AGPAT3: variants seen among roughly 807,000 people sequenced by gnomAD.
AGPAT3 encodes 1-acyl-sn-glycerol-3-phosphate acyltransferase gamma.
Under a neutral mutation model 47.3 loss-of-function variants are expected in AGPAT3, and 5 were observed. That is an observed-to-expected ratio of 0.11 (90% CI 0.06 to 0.22). The LOEUF (loss-of-function observed/expected upper bound fraction) is 0.22, where lower values mean the gene tolerates loss of function less well. Ranked by LOEUF, AGPAT3 falls within the 10% of genes least tolerant of loss-of-function variation. AGPAT3 has a pLI of 1.00. For missense variants in AGPAT3, 315 were observed against 493.0 expected (o/e 0.64, Z 3.42); for synonymous variants, 212 against 208.3 (o/e 1.02, Z -0.15).
At position 43,933,298 on chromosome 21, in the gene AGPAT3, C is replaced by T. The variant is rs961908476; in HGVS notation, c.-48-26336C>T. Among the ~76,000 whole-genome samples, 7 of 152,104 alleles carry T rather than the reference C, an allele frequency of 4.6e-5. No homozygotes were observed. Among genetic ancestry groups the T allele is most frequent in the East Asian group, 3.8e-4 (2 of 5,200 alleles). ...TACCCTGTGGATGCTGGGCCTGCAT[C>T]GGGCATGTGGTCTGCAGGGTTTTCT... On this transcript the variant is annotated intron_variant, in intron 2 of 9. Coordinates refer to ENST00000291572, the MANE Select transcript of AGPAT3 (RefSeq NM_020132.5). This position sits in a 1 kb window ranked among gnomAD's most constrained non-coding sequence, Gnocchi z 6.0.
chr21:43,980,684 G>A (rs957933327), intron 8 of AGPAT3, among the ~76,000 whole-genome samples: 63 of 152,344 alleles, frequency 4.1e-4, no homozygotes, highest in Non-Finnish European at 6.8e-4. Flanking sequence ...GCGGGTGGCC[G>A]GGGCAGTGCT....
At chr21:43,947,789 G>A (rs1038880678) in intron 2 of AGPAT3, among the ~76,000 whole-genome samples, 1 of 151,210 alleles carries the variant, frequency 6.6e-6, no homozygotes, top group Admixed American at 6.6e-5. Context: ...GATTATAGGC[G>A]CCTGCCACCA....
At position 43,985,127 on chromosome 21, in the gene AGPAT3, G is replaced by A. The variant is rs909480179; in HGVS notation, c.*2735G>A. 8 of 456,172 alleles carry A rather than the reference G, an allele frequency of 1.8e-5. No homozygotes were observed. Among genetic ancestry groups the A allele is most frequent in the African/African-American group, 1.2e-4 (6 of 50,082 alleles). The allele number at this position is 456,172 out of a possible 1,614,324, so 28.3% of individuals were successfully genotyped here. On this transcript the variant is annotated 3_prime_UTR_variant, in exon 10 of 10. Transcript: ENST00000291572. ...TCCCAGCCTGGGCCGTGGTCTCCTG[G>A]GGACGCCGCTGGCCTCCCAGCTTAG...
chr21:43,961,631 G>C (rs879404500), intron 3 of AGPAT3, among the ~76,000 whole-genome samples: 2 of 148,444 alleles, frequency 1.3e-5, no homozygotes, highest in East Asian at 3.9e-4. Context: ...TATGGGAAAC[G>C]GTGAGCGCGT....
chr21:43,895,288 T>A (rs998670625), intron 1 of AGPAT3, among the ~76,000 whole-genome samples: 27 of 151,874 alleles, frequency 1.8e-4, no homozygotes, highest in Non-Finnish European at 2.8e-4. Context: ...TGTATTTTTT[T>A]ATTAGAGACA....
intron 1 of AGPAT3, among the ~76,000 whole-genome samples, chr21:43,896,943 GTTTTTTTTTTT>G (rs61657564): frequency 9.5e-5 from 4 of 42,324 alleles, no homozygotes; most frequent in South Asian, 8.2e-4. Context: ...TTGACAGTCC[GTTTTTTTTTTT>G]TTTTTTTTTT....
At position 43,981,862 on chromosome 21, in the gene AGPAT3, G is replaced by A. The variant is rs899613768; in HGVS notation, c.1043-442G>A. Among the ~76,000 whole-genome samples, 2 of 152,182 alleles carry A rather than the reference G, an allele frequency of 1.3e-5. No homozygotes were observed. The highest frequency in any genetic ancestry group is 2.9e-5 in the Non-Finnish European group (2 of 68,024). On this transcript the variant is annotated intron_variant, in intron 9 of 9. Transcript: ENST00000291572. This position sits in a 1 kb window ranked among gnomAD's most constrained non-coding sequence, Gnocchi z 5.3. Reference sequence around the variant, plus strand: ...GGAGGGGTCCTGAGAGGCAGTGACTGCCACCAGCCTCTCCCATTGGACTAC... The same window carrying A: ...GGAGGGGTCCTGAGAGGCAGTGACTACCACCAGCCTCTCCCATTGGACTAC...
chr21:43,885,434 G>T (rs1469140613), intron 1 of AGPAT3, among the ~76,000 whole-genome samples: 6 of 139,572 alleles, frequency 4.3e-5, no homozygotes, highest in Admixed American at 7.5e-5. Context: ...TGTCACCCAT[G>T]CTAGAGTGCA....
At position 43,934,561 on chromosome 21, in the gene AGPAT3, G is replaced by T. The variant is rs2838440; in HGVS notation, c.-48-25073G>T. Among the ~76,000 whole-genome samples, 50,064 of 152,096 alleles carry T rather than the reference G, an allele frequency of 0.33. 9,427 individuals are homozygous for T. The highest frequency in any genetic ancestry group is 0.53 in the East Asian group (2,730 of 5,166). Reference sequence around the variant, plus strand: ...AAGAACTGTTTCCTTTAGGCCCCGTGGGGTAACCAGAAGGTAAGACTAGGA... The same window carrying T: ...AAGAACTGTTTCCTTTAGGCCCCGTTGGGTAACCAGAAGGTAAGACTAGGA... On this transcript the variant is annotated intron_variant, in intron 2 of 9. Coordinates refer to ENST00000291572, the MANE Select transcript of AGPAT3 (RefSeq NM_020132.5). This position sits in a 1 kb window ranked among gnomAD's most constrained non-coding sequence, Gnocchi z 4.7.
At position 43,880,897 on chromosome 21, in the gene AGPAT3, C is replaced by T. The variant is rs1445780094; in HGVS notation, c.-112+15552C>T. Among the ~76,000 whole-genome samples, 5 of 151,996 alleles carry T rather than the reference C, an allele frequency of 3.3e-5. No individual in the cohort carries two copies. Among genetic ancestry groups the T allele is most frequent in the East Asian group, 1.9e-4 (1 of 5,178 alleles). On this transcript the variant is annotated intron_variant, in intron 1 of 9. Transcript: ENST00000291572. The surrounding 1 kb of genome is among the most constrained non-coding windows in gnomAD (Gnocchi z 4.5). ...GACAGGTGGCAATATGTTAACTGTT[C>T]GTAGCAAGGAAGATTTGTTTTCAGG...
At chr21:43,901,916 C>CA (rs1285784957) in intron 1 of AGPAT3, among the ~76,000 whole-genome samples, 2 of 152,034 alleles carry the variant, frequency 1.3e-5, no homozygotes, top group African/African-American at 2.4e-5. Context: ...GAAAGAAAGA[C>CA]AAAAAAATGA....
chr21:43,884,768 C>CT (rs2085937297), intron 1 of AGPAT3, among the ~76,000 whole-genome samples: 1 of 151,952 alleles, frequency 6.6e-6, no homozygotes, highest in African/African-American at 2.4e-5. Context: ...GCTGGGTGGC[C>CT]TGGTGCTGGG....
Position 43,987,436 on chromosome 21 carries a change from T to C in AGPAT3, c.*5044T>C, listed in dbSNP as rs1044767941. On this transcript the variant is annotated 3_prime_UTR_variant, in exon 10 of 10. Coordinates refer to ENST00000291572, the MANE Select transcript of AGPAT3 (RefSeq NM_020132.5). Reference sequence around the variant, plus strand: ...TGACCTGATGATGTCCAAAAAAGGGTTTTAAAAGCGATCAAGGACAAAAGG... The same window carrying C: ...TGACCTGATGATGTCCAAAAAAGGGCTTTAAAAGCGATCAAGGACAAAAGG... 6.6e-6 allele frequency among the ~76,000 whole-genome samples: 1 copy of C among 151,838 alleles called. No homozygotes were observed. The highest frequency in any genetic ancestry group is 1.5e-5 in the Non-Finnish European group (1 of 67,952).
intron 2 of AGPAT3, among the ~76,000 whole-genome samples, chr21:43,950,414 C>A (rs1399873110): frequency 6.6e-6 from 1 of 152,176 alleles, no homozygotes; most frequent in Non-Finnish European, 1.5e-5. Context: ...GTAAGGTGGT[C>A]TCTGTAAGTG....
Position 43,954,264 on chromosome 21 carries a change from A to T in AGPAT3, c.-48-5370A>T, listed in dbSNP as rs2088334701. On this transcript the variant is annotated intron_variant, in intron 2 of 9. Transcript: ENST00000291572. This position sits in a 1 kb window ranked among gnomAD's most constrained non-coding sequence, Gnocchi z 4.0. ...AGGGAGGTGGCCTCTGCCTGCTGCC[A>T]TTGGAGGTTTGTGCAGTCAGGTTTA... Among the ~76,000 whole-genome samples, 1 of 152,168 alleles carries T rather than the reference A, an allele frequency of 6.6e-6. No homozygotes were observed. Among genetic ancestry groups the T allele is most frequent in the Non-Finnish European group, 1.5e-5 (1 of 68,026 alleles).
In AGPAT3 at chr21:43,984,149, G is replaced by A. The variant is rs932853394; in HGVS notation, c.*1757G>A. ...CCAGATGAGACCAACGACACCATGC[G>A]AGACACGCTTGCAGACACTGTTGTT... On this transcript the variant is annotated 3_prime_UTR_variant, in exon 10 of 10. Coordinates refer to ENST00000291572, the MANE Select transcript of AGPAT3 (RefSeq NM_020132.5). The A allele has an allele frequency of 6.6e-6, 1 of 152,246 alleles. No homozygotes were observed. Among genetic ancestry groups the A allele is most frequent in the African/African-American group, 2.4e-5 (1 of 41,440 alleles). The allele number at this position is 152,246 out of a possible 1,614,324, so 9.4% of individuals were successfully genotyped here. A position where few individuals can be genotyped will look rare whatever the true frequency, so the allele number is the denominator to read the frequency against.
chr21:43,884,082 G>A (rs1429093342), intron 1 of AGPAT3, among the ~76,000 whole-genome samples: 1 of 152,116 alleles, frequency 6.6e-6, no homozygotes, highest in Non-Finnish European at 1.5e-5. Flanking sequence ...TTAAAGAGGT[G>A]CCTCTGGCCA....
Position 43,920,768 on chromosome 21 carries a change from C to G in AGPAT3, c.-49+16749C>G, listed in dbSNP as rs556690538. 3.3e-5 allele frequency among the ~76,000 whole-genome samples: 5 copies of G among 152,128 alleles called. No homozygotes were observed. Among genetic ancestry groups the G allele is most frequent in the Admixed American group, 6.5e-5 (1 of 15,268 alleles). ...GGGGAGGGTACAGCAGCTCCGAGCT[C>G]CCTGCCCCATACCTCACCCTGTGCA... On this transcript the variant is annotated intron_variant, in intron 2 of 9. Transcript: ENST00000291572. This position sits in a 1 kb window ranked among gnomAD's most constrained non-coding sequence, Gnocchi z 6.1.
intron 2 of AGPAT3, among the ~76,000 whole-genome samples, chr21:43,923,567 C>A (rs1305105282): frequency 6.6e-6 from 1 of 152,220 alleles, no homozygotes; most frequent in Admixed American, 6.5e-5. Context: ...AGATGCCAAT[C>A]CCAGGTTGTG....
Sources: allele counts gnomAD v4.1 joint callset (sites outside exome capture counted in the v4.1 genomes callset), GRCh38; gene constraint gnomAD v4.1.1; non-coding constraint Gnocchi (gnomAD v3.1); transcripts MANE v1.5; gene names NCBI Gene and HGNC (gene_info 2026-07-23, HGNC 2026-07-21).